Variants in EXOC1 observed in about 807,000 individuals in gnomAD.
EXOC1 encodes the protein SEC3-like 1.
Under a neutral mutation model 107.7 loss-of-function variants are expected in EXOC1, and 67 were observed. That is an observed-to-expected ratio of 0.62 (90% CI 0.51 to 0.76). The LOEUF (loss-of-function observed/expected upper bound fraction) is 0.76, where lower values mean the gene tolerates loss of function less well. Among genes scored for constraint, EXOC1 ranks in the 30% least tolerant of loss-of-function variants. The pLI is 0.00. For missense variants in EXOC1, 833 were observed against 1,055.7 expected (o/e 0.79, Z 2.92); for synonymous variants, 348 against 353.5 (o/e 0.98, Z 0.17).
rs190108895 is a variant in EXOC1 at position 55,858,444 on chromosome 4, A to C, written c.121A>C (p.Thr41Pro). ...GAAAAAGAACTGTTTTTTATGTGCC[A>C]CAGGTGGGTATTTAGTAAGAAAGAG... The part of the protein sequence containing the change: ...KKKKNCFLCA[T>P]VTTERPVQVK... The change falls in exon 2 of 19, where the codon ACA becomes CCA. Residue 41 changes from threonine (T) to proline (P), a missense_variant. Thr to Pro is a conservative substitution (Grantham distance 38). Transcript: ENST00000381295. The C allele has an allele frequency of 5.7e-6, 9 of 1,592,868 alleles. No homozygotes were observed. In the Admixed American group the frequency reaches 1.1e-4, roughly 19 times the overall value.
intron 10 of EXOC1, 23 bp downstream of exon 10, chr4:55,883,951 A>T: frequency 1.3e-6 from 2 of 1,497,990 alleles, no homozygotes; most frequent in Non-Finnish European, 1.8e-6. Context: ...ATGTCAGTTC[A>T]TTATCTTCCT....
chr4:55,862,671 T>C (rs1272770093), intron 3 of EXOC1, among the ~76,000 whole-genome samples: 1 of 152,238 alleles, frequency 6.6e-6, no homozygotes, highest in Non-Finnish European at 1.5e-5. Context: ...TGCTGTAATA[T>C]GATTGTTGTA....
chr4:55,873,131 A>G (rs1176820354), intron 8 of EXOC1, among the ~76,000 whole-genome samples: 2 of 152,092 alleles, frequency 1.3e-5, no homozygotes, highest in African/African-American at 4.8e-5. Context: ...ATTGAGGTAC[A>G]TACCAGACAT....
chr4:55,899,073 T>G (rs1048597112), intron 16 of EXOC1, among the ~76,000 whole-genome samples: 2 of 152,130 alleles, frequency 1.3e-5, no homozygotes, highest in African/African-American at 4.8e-5. Context: ...AATCTTTTTA[T>G]TCTTTGTCAA....
intron 9 of EXOC1, among the ~76,000 whole-genome samples, chr4:55,882,051 C>T (rs1723433794): frequency 6.6e-6 from 1 of 152,132 alleles, no homozygotes; most frequent in African/African-American, 2.4e-5. Flanking sequence ...AGATGGTGAA[C>T]TAGCATTCTA....
intron 3 of EXOC1, among the ~76,000 whole-genome samples, chr4:55,862,839 T>C (rs1023411615): frequency 2.0e-5 from 3 of 152,204 alleles, no homozygotes; most frequent in Non-Finnish European, 4.4e-5. Flanking sequence ...ATTAAGAATA[T>C]TTGAGCCTAT....
Position 55,878,042 on chromosome 4 carries a change from T to A in EXOC1, c.1200T>A (p.Tyr400Ter). ...TGGAGTGGCTAAAGAGTACAGATTA[T>A]GGAAAATATGAAGGACTAACAAAGG... is the stretch of plus-strand genomic sequence containing the variant. ...KLMEWLKSTDYGKYEGLTKNY... is the reference protein window; with the variant it reads ...KLMEWLKSTD Residue 400 changes from tyrosine to a stop codon, truncating the protein, a stop_gained, in exon 9 of 19, where the codon TAT (tyrosine) becomes TAA (stop). Coordinates refer to ENST00000381295, the MANE Select transcript of EXOC1 (RefSeq NM_001024924.2). LOFTEE classifies it high-confidence loss of function. 1 of 1,613,508 alleles carries A rather than the reference T, an allele frequency of 6.2e-7. No individual in the cohort carries two copies. The highest frequency in any genetic ancestry group is 8.5e-7 in the Non-Finnish European group (1 of 1,179,726).
intron 14 of EXOC1, among the ~76,000 whole-genome samples, 166 bp from the exon 15 acceptor site, chr4:55,893,386 C>T (rs1301373567): frequency 6.6e-6 from 1 of 152,192 alleles, no homozygotes; most frequent in Non-Finnish European, 1.5e-5. Context: ...TCTCAAAGTG[C>T]TGGGATTACA....
At chr4:55,857,659 A>G (rs1306614043) in intron 1 of EXOC1, among the ~76,000 whole-genome samples, 2 of 152,182 alleles carry the variant, frequency 1.3e-5, no homozygotes, top group East Asian at 3.9e-4. Context: ...GAATTGTTGG[A>G]TTATAAGGTA....
intron 4 of EXOC1, among the ~76,000 whole-genome samples, chr4:55,864,993 T>TA (rs1343768205): frequency 1.3e-5 from 2 of 152,200 alleles, no homozygotes; most frequent in Admixed American, 6.5e-5. Context: ...CATTGATACT[T>TA]ACTCTCTATG....
At chr4:55,868,822 C>T (rs1722182130) in intron 5 of EXOC1, 1 of 243,634 alleles carries the variant, frequency 4.1e-6, no homozygotes, top group East Asian at 7.7e-5. Flanking sequence ...CGCTCAGCCT[C>T]TGAAACATGT....
intron 1 of EXOC1, among the ~76,000 whole-genome samples, chr4:55,856,280 C>T (rs2110301062): frequency 6.6e-6 from 1 of 152,246 alleles, no homozygotes. Context: ...GGTCTACAAA[C>T]AGGGTGAAAT....
In EXOC1 at chr4:55,890,365, T is replaced by C. The variant is rs2290016; in HGVS notation, c.1518T>C (p.Ala506=). The C allele has an allele frequency of 0.29, 465,932 of 1,612,968 alleles. 68,681 individuals are homozygous for C. The highest frequency in any genetic ancestry group is 0.46 in the East Asian group (20,786 of 44,820). The part of the protein sequence containing the change: ...GNMSASDLDV[A]DRTKFDKIFE... ...TGTCTGCCTCTGATCTCGATGTTGC[T>C]GACAGGACCAAATTTGATAAGGTAA... Residue 506 remains alanine (A), a synonymous_variant, in exon 12 of 19, where the codon GCT becomes GCC. Coordinates refer to ENST00000381295, the MANE Select transcript of EXOC1 (RefSeq NM_001024924.2).
intron 9 of EXOC1, among the ~76,000 whole-genome samples, chr4:55,881,971 A>G (rs2109423919): frequency 6.6e-6 from 1 of 152,294 alleles, no homozygotes; most frequent in East Asian, 1.9e-4. Flanking sequence ...GCTGTGAGGA[A>G]AGGCAGATTT....
intron 7 of EXOC1, among the ~76,000 whole-genome samples, chr4:55,871,437 A>G (rs34534175): frequency 0.036 from 5,555 of 152,252 alleles, 345 homozygotes; most frequent in African/African-American, 0.13. Context: ...ATTGTCCTCA[A>G]TGACTATAGT....
chr4:55,881,515 G>A (rs553372941), intron 9 of EXOC1, among the ~76,000 whole-genome samples: 2 of 152,238 alleles, frequency 1.3e-5, no homozygotes, highest in African/African-American at 4.8e-5. Context: ...ATGTGCCCAA[G>A]GTGGTCCGAG....
chr4:55,902,319 A>G (rs1726049180), intron 17 of EXOC1, 25 bp from the exon 18 acceptor site: 2 of 1,407,704 alleles, frequency 1.4e-6, no homozygotes, highest in South Asian at 1.9e-5. Context: ...GGTCTTAGCC[A>G]TTGTTTCTTT....
chr4:55,892,479 A>G, intron 13 of EXOC1, 156 bp from the exon 14 acceptor site: 1 of 625,002 alleles, frequency 1.6e-6, no homozygotes, highest in East Asian at 2.8e-5. Context: ...AGCATACTAA[A>G]TTATATAGCT....
intron 16 of EXOC1, among the ~76,000 whole-genome samples, chr4:55,898,358 A>C (rs965158658): frequency 6.6e-6 from 1 of 152,220 alleles, no homozygotes; most frequent in Non-Finnish European, 1.5e-5. Flanking sequence ...TATTCCTTTA[A>C]TTGGATAAAA....
Sources: gnomAD v4.1 joint callset for allele counts (sites outside exome capture counted in the v4.1 genomes callset) on GRCh38, gnomAD v4.1.1 for gene constraint, MANE v1.5 for transcripts, NCBI Gene and HGNC (gene_info 2026-07-23, HGNC 2026-07-21) for gene names.